CNTN5: variants seen among roughly 807,000 people sequenced by gnomAD.
CNTN5 encodes contactin 5.
Under a neutral mutation model 129.1 loss-of-function variants are expected in CNTN5, and 77 were observed. The ratio of observed to expected loss-of-function variants is 0.60; its 90% CI spans 0.50 to 0.72. The LOEUF (loss-of-function observed/expected upper bound fraction) is 0.72. Ranked by LOEUF, CNTN5 falls within the 30% of genes least tolerant of loss-of-function variation. The pLI, the probability that CNTN5 is intolerant of heterozygous loss-of-function variation, is 0.00. For synonymous variants in CNTN5, 509 were observed against 465.6 expected (o/e 1.09, Z -1.20); for missense variants, 1,478 against 1,328.8 (o/e 1.11, Z -1.75).
chr11:100,133,945 T>A (rs1294750888), intron 13 of CNTN5, among the ~76,000 whole-genome samples: 5 of 152,116 alleles, frequency 3.3e-5, no homozygotes, highest in African/African-American at 1.2e-4. Context: ...GATGGATTTA[T>A]AGATGGAAGA....
chr11:99,575,203 A>G (rs1029663622), intron 3 of CNTN5, among the ~76,000 whole-genome samples: 3 of 152,188 alleles, frequency 2.0e-5, no homozygotes, highest in African/African-American at 7.2e-5. Flanking sequence ...TGTCTATATA[A>G]TATTTACTAA....
At chr11:99,769,555 CATATAGATGAAGTAAATTA>C (rs1944872391) in intron 3 of CNTN5, among the ~76,000 whole-genome samples, 1 of 151,964 alleles carries the variant, frequency 6.6e-6, no homozygotes. Context: ...ATTTGCCTTA[CATATAGATGAAGTAAATTA>C]AGAATCATGA....
Position 100,070,485 on chromosome 11 carries a change from A to G in CNTN5, c.1224A>G (p.Arg408=). 1 of 1,612,964 alleles carries G rather than the reference A, an allele frequency of 6.2e-7. No homozygotes were observed. The highest frequency in any genetic ancestry group is 8.5e-7 in the Non-Finnish European group (1 of 1,179,400). The change falls in exon 11 of 25, where the codon CGA becomes CGG. Residue 408 remains arginine (R), a synonymous_variant. Coordinates refer to ENST00000524871, the MANE Select transcript of CNTN5 (RefSeq NM_014361.4). ...AGTTAGACAGTGGGAGCCCTCTCCG[A>G]TGGGAATGTAAGGCTACTGGAAAAC... is the stretch of plus-strand genomic sequence containing the variant. ...DTQLDSGSPL[R]WECKATGKPR... is the part of the protein sequence containing the mutation.
chr11:99,973,780 G>T (rs1209574265), intron 8 of CNTN5, among the ~76,000 whole-genome samples: 2 of 152,102 alleles, frequency 1.3e-5, no homozygotes, highest in Non-Finnish European at 2.9e-5. Flanking sequence ...GGATATTGAG[G>T]ATTCTAAAAC....
intron 2 of CNTN5, among the ~76,000 whole-genome samples, chr11:99,420,354 A>G (rs2135050315): frequency 6.6e-6 from 1 of 152,310 alleles, no homozygotes; most frequent in African/African-American, 2.4e-5. Flanking sequence ...ATAAATATTA[A>G]TTTTCATGCA....
chr11:100,010,676 G>A (rs1355457446), intron 9 of CNTN5, among the ~76,000 whole-genome samples: 1 of 152,104 alleles, frequency 6.6e-6, no homozygotes, highest in Non-Finnish European at 1.5e-5. Context: ...AGAGGATGGA[G>A]CTGAGAGGTG....
intron 1 of CNTN5, among the ~76,000 whole-genome samples, chr11:99,031,538 G>C (rs913021814): frequency 1.6e-4 from 24 of 151,820 alleles, no homozygotes; most frequent in African/African-American, 2.4e-5. Flanking sequence ...GGTGAAGAAA[G>C]CCACCAAGCA....
intron 1 of CNTN5, among the ~76,000 whole-genome samples, chr11:99,267,591 T>C (rs946807727): frequency 2.0e-5 from 3 of 151,970 alleles, no homozygotes; most frequent in African/African-American, 4.8e-5. Flanking sequence ...ATTGATTTGA[T>C]AAAAGCAAAT....
chr11:99,580,681 C>CTTTGTCA lies in CNTN5; in HGVS notation c.55+24416_55+24422dup, dbSNP rs1302652396. Among the ~76,000 whole-genome samples the CTTTGTCA allele has an allele frequency of 4.6e-5, 7 of 152,076 alleles. No homozygotes were observed. The East Asian group carries it at 1.4e-3, about 29-fold the overall frequency. On this transcript the variant is annotated intron_variant, in intron 3 of 24. Transcript: ENST00000524871. ...TCTGTGGGGTCGGTGGTGATATCCC[C>CTTTGTCA]TTTGTCATTTTTTATTGCATCTATT...
intron 8 of CNTN5, among the ~76,000 whole-genome samples, chr11:99,980,562 C>T (rs1591518640): frequency 6.6e-6 from 1 of 152,190 alleles, no homozygotes; most frequent in Non-Finnish European, 1.5e-5. Flanking sequence ...AAGGAGGGTC[C>T]CTTCCACTAT....
intron 7 of CNTN5, among the ~76,000 whole-genome samples, chr11:99,923,060 T>G (rs976012423): frequency 1.3e-5 from 2 of 152,186 alleles, no homozygotes; most frequent in Non-Finnish European, 2.9e-5. Context: ...ATATTAAAAA[T>G]TATTCAGAAA....
chr11:99,790,663 T>C (rs943720780), intron 3 of CNTN5, among the ~76,000 whole-genome samples: 10 of 152,092 alleles, frequency 6.6e-5, no homozygotes, highest in Admixed American at 2.0e-4. Context: ...GGTAGAATGA[T>C]TTAGATTCCC....
At chr11:100,133,353 G>C (rs1226812347) in intron 13 of CNTN5, among the ~76,000 whole-genome samples, 1 of 152,014 alleles carries the variant, frequency 6.6e-6, no homozygotes, top group Admixed American at 6.6e-5. Flanking sequence ...CTGGCTAATG[G>C]GATTCATTTT....
chr11:99,487,776 C>G (rs1945873489), intron 2 of CNTN5, among the ~76,000 whole-genome samples: 1 of 152,160 alleles, frequency 6.6e-6, no homozygotes, highest in African/African-American at 2.4e-5. Context: ...TATTGCTTCT[C>G]CAAACACCAG....
chr11:99,419,712 G>A (rs1295163102), intron 2 of CNTN5, among the ~76,000 whole-genome samples: 1 of 152,098 alleles, frequency 6.6e-6, no homozygotes, highest in East Asian at 1.9e-4. Context: ...GAGGGGTGTG[G>A]CTGGAGAAAG....
chr11:99,554,932 T>C (rs1948616697), intron 2 of CNTN5, among the ~76,000 whole-genome samples: 1 of 152,016 alleles, frequency 6.6e-6, no homozygotes. Flanking sequence ...ATACAGAAAA[T>C]GATGAAAAAA....
At chr11:99,431,361 G>A (rs892304824) in intron 2 of CNTN5, among the ~76,000 whole-genome samples, 2 of 152,108 alleles carry the variant, frequency 1.3e-5, no homozygotes, top group Non-Finnish European at 2.9e-5. Flanking sequence ...TACCCTCCCT[G>A]TTGAAAGCCA....
chr11:99,383,843 C>T (rs1940755071), intron 2 of CNTN5, among the ~76,000 whole-genome samples: 1 of 152,106 alleles, frequency 6.6e-6, no homozygotes. Context: ...CTACTAGAGA[C>T]ACAGAAGGCC....
intron 1 of CNTN5, among the ~76,000 whole-genome samples, chr11:99,070,034 C>G (rs1004331490): frequency 2.6e-5 from 4 of 152,206 alleles, no homozygotes; most frequent in Non-Finnish European, 4.4e-5. Context: ...TCTCTTCAGG[C>G]TGCCTCTCTC....
Sources: allele counts gnomAD v4.1 joint callset (sites outside exome capture counted in the v4.1 genomes callset), GRCh38; gene constraint gnomAD v4.1.1; transcripts MANE v1.5; gene names NCBI Gene and HGNC (gene_info 2026-07-23, HGNC 2026-07-21).